CLSTN1: variants seen among roughly 807,000 people sequenced by gnomAD.
The protein encoded by CLSTN1 is calsyntenin-1.
A neutral mutation model predicts 108.3 loss-of-function variants in CLSTN1; 28 were observed. The observed-to-expected ratio is 0.26, with a 90% CI of 0.19 to 0.35. CLSTN1 has a LOEUF of 0.35. CLSTN1 is among the 10% of genes least tolerant of loss of function. The pLI, the probability that CLSTN1 is intolerant of heterozygous loss-of-function variation, is 1.00. For synonymous variants in CLSTN1, 524 were observed against 534.9 expected (o/e 0.98, Z 0.28); for missense variants, 1,157 against 1,302.6 (o/e 0.89, Z 1.72).
At chr1:9,770,089 G>C (rs1570472334) in intron 2 of CLSTN1, among the ~76,000 whole-genome samples, 1 of 149,628 alleles carries the variant, frequency 6.7e-6, no homozygotes. Context: ...AAAGAAAAAA[G>C]AAAGAAAAAA....
At chr1:9,803,156 T>C (rs1295779905) in intron 1 of CLSTN1, among the ~76,000 whole-genome samples, 1 of 152,086 alleles carries the variant, frequency 6.6e-6, no homozygotes, top group African/African-American at 2.4e-5. Context: ...AAAAATAATA[T>C]ACAAGCAAAC....
rs1651560672 is a variant in CLSTN1 at position 9,751,578 on chromosome 1, T to C, written c.544A>G (p.Ile182Val). 8 of 1,614,072 alleles carry C rather than the reference T, an allele frequency of 5.0e-6. No individual in the cohort carries two copies. The highest frequency in any genetic ancestry group is 5.1e-6 in the Non-Finnish European group (6 of 1,180,050). The change falls in exon 5 of 19, where the codon ATT becomes GTT. Residue 182 changes from isoleucine to valine, a missense_variant. Ile to Val is a conservative substitution (Grantham distance 29, BLOSUM62 3). Coordinates refer to ENST00000377298, the MANE Select transcript of CLSTN1 (RefSeq NM_001009566.3). ...TVIEGKQYDS[I>V]LRVEAVDADC... ...GCATCCACGGCCTCCACCCTCAAAA[T>C]GCTGTCGTACTGCTTCCCCTCGATG...
intron 2 of CLSTN1, among the ~76,000 whole-genome samples, chr1:9,770,153 G>A (rs948638110): frequency 2.0e-5 from 3 of 151,892 alleles, no homozygotes; most frequent in Admixed American, 2.0e-4. Context: ...GGAAAATATT[G>A]ACTTATCTAT....
At chr1:9,795,989 G>A (rs1653974505) in intron 1 of CLSTN1, among the ~76,000 whole-genome samples, 1 of 149,150 alleles carries the variant, frequency 6.7e-6, no homozygotes, top group Admixed American at 6.9e-5. Flanking sequence ...CTGAGGCTGG[G>A]CATGGTGGCT....
intron 4 of CLSTN1, among the ~76,000 whole-genome samples, chr1:9,752,143 TGA>T (rs1651588168): frequency 6.6e-6 from 1 of 152,196 alleles, no homozygotes; most frequent in South Asian, 2.1e-4. Context: ...GGTTTGATTC[TGA>T]GAGTTCAAAC....
chr1:9,801,857 C>T (rs1557721824), intron 1 of CLSTN1, among the ~76,000 whole-genome samples: 1 of 152,088 alleles, frequency 6.6e-6, no homozygotes, highest in African/African-American at 2.4e-5. Flanking sequence ...CGCCCGGCCT[C>T]GGCCACCATT....
In CLSTN1 at chr1:9,743,940, C is replaced by A; in HGVS notation, c.1300G>T (p.Asp434Tyr). Residue 434 changes from aspartate (D) to tyrosine (Y), a missense_variant, in exon 9 of 19, where the codon GAT (aspartate) becomes TAT (tyrosine). Asp to Tyr is a radical substitution (Grantham distance 160). Transcript: ENST00000377298. ...CTGTATTTCTTCTCCTCAGAAGGAT[C>A]CTGACGGAAGAGGAAGATCAGCCGG... ...GCRLIFLFRQ[D>Y]PSEEKKYRPA... is the part of the protein sequence containing the mutation. 1.2e-6 allele frequency: 2 copies of A among 1,614,112 alleles called. No homozygotes were observed. Among genetic ancestry groups the A allele is most frequent in the South Asian group, 2.2e-5 (2 of 91,080 alleles).
At chr1:9,781,023 T>C in intron 1 of CLSTN1, 1 of 507,174 alleles carries the variant, frequency 2.0e-6, no homozygotes. Flanking sequence ...TTGGAGCATT[T>C]CACATTTCAG....
chr1:9,797,496 C>G (rs1455468567), intron 1 of CLSTN1, among the ~76,000 whole-genome samples: 1 of 151,972 alleles, frequency 6.6e-6, no homozygotes, highest in Non-Finnish European at 1.5e-5. Flanking sequence ...TTAAAATTAG[C>G]CTGGCGTGGT....
intron 4 of CLSTN1, among the ~76,000 whole-genome samples, chr1:9,754,365 G>A (rs1651711470): frequency 6.6e-6 from 1 of 151,956 alleles, no homozygotes; most frequent in South Asian, 2.1e-4. Flanking sequence ...TTTGATACCA[G>A]CCTGGCCAAC....
chr1:9,812,004 G>A (rs1654779020), intron 1 of CLSTN1, among the ~76,000 whole-genome samples: 1 of 152,112 alleles, frequency 6.6e-6, no homozygotes, highest in South Asian at 2.1e-4. Context: ...GGGCGTGGTG[G>A]CATATGCCTG....
intron 10 of CLSTN1, among the ~76,000 whole-genome samples, chr1:9,740,618 C>G (rs1366403221): frequency 2.6e-5 from 4 of 152,168 alleles, no homozygotes; most frequent in Non-Finnish European, 5.9e-5. Context: ...CCACACGTGG[C>G]CCTTGCTGAG....
At chr1:9,768,825 C>G in intron 2 of CLSTN1, among the ~76,000 whole-genome samples, 1 of 104,446 alleles carries the variant, frequency 9.6e-6, no homozygotes, top group African/African-American at 3.7e-5. Context: ...GGGCGGGGTT[C>G]TGTGTTGGGT....
intron 4 of CLSTN1, among the ~76,000 whole-genome samples, chr1:9,752,405 A>C (rs1326312131): frequency 6.6e-6 from 1 of 152,198 alleles, no homozygotes. Context: ...TTTTCAAGGG[A>C]AACAATAACA....
At chr1:9,733,274 T>C (rs1650503060) in intron 16 of CLSTN1, 127 bp downstream of exon 16, 3 of 1,185,724 alleles carry the variant, frequency 2.5e-6, no homozygotes, top group Non-Finnish European at 3.6e-6. Context: ...GGCGACCCCC[T>C]AGAATGAGCC....
intron 2 of CLSTN1, among the ~76,000 whole-genome samples, chr1:9,769,004 G>T (rs1221966909): frequency 2.3e-4 from 30 of 128,932 alleles, no homozygotes; most frequent in African/African-American, 8.4e-4. Context: ...AGGGAGGGGG[G>T]AACAGAAGGA....
rs1365724028 is a variant in CLSTN1 at position 9,794,398 on chromosome 1, T to C, written c.92-21004A>G. Among the ~76,000 whole-genome samples the C allele has an allele frequency of 2.0e-5, 3 of 151,478 alleles. No homozygotes were observed. In the Admixed American group the frequency reaches 2.0e-4, roughly 10 times the overall value. Reference sequence around the variant, plus strand: ...ATCTCAGCTCACTGCAACCTCCTCCTCCCAGGCTCAAGCAGTTCTCCTGCC... The same window carrying C: ...ATCTCAGCTCACTGCAACCTCCTCCCCCCAGGCTCAAGCAGTTCTCCTGCC... On this transcript the variant is annotated intron_variant, in intron 1 of 18. Transcript: ENST00000377298.
chr1:9,779,819 CA>C (rs1467736867), intron 1 of CLSTN1, among the ~76,000 whole-genome samples: 4 of 151,810 alleles, frequency 2.6e-5, no homozygotes, highest in African/African-American at 9.7e-5. Context: ...GAAAGGACTC[CA>C]AAAACTCCAT....
intron 1 of CLSTN1, among the ~76,000 whole-genome samples, chr1:9,786,339 C>T (rs374852341): frequency 1.3e-5 from 2 of 152,066 alleles, no homozygotes; most frequent in Non-Finnish European, 2.9e-5. Flanking sequence ...ACACACAATG[C>T]AGCTGTTCTA....
Sources: allele counts gnomAD v4.1 joint callset (sites outside exome capture counted in the v4.1 genomes callset), GRCh38; gene constraint gnomAD v4.1.1; transcripts MANE v1.5; gene names NCBI Gene and HGNC (gene_info 2026-07-23, HGNC 2026-07-21).